Variants in DNAH10 observed in about 807,000 individuals in gnomAD.
The protein encoded by DNAH10 is dynein axonemal heavy chain 10.
A neutral mutation model predicts 506.6 loss-of-function variants in DNAH10; 348 were observed. That is an observed-to-expected ratio of 0.69 (90% CI 0.63 to 0.75). The LOEUF (loss-of-function observed/expected upper bound fraction) is 0.75. DNAH10 is among the 30% of genes least tolerant of loss of function. DNAH10 has a pLI of 0.00. For synonymous variants in DNAH10, 2,059 were observed against 2,198.6 expected, an observed-to-expected ratio of 0.94 and a Z score of 1.78; for missense variants, 5,179 against 5,787.1, an observed-to-expected ratio of 0.89 and a Z score of 3.41.
chr12:123,859,042 C>A, intron 37 of DNAH10, 108 bp from the exon 38 acceptor site: 1 of 1,041,914 alleles, frequency 9.6e-7, no homozygotes. Context: ...AAACCATTGA[C>A]TTGTACCCTT....
At position 123,914,456 on chromosome 12, in the gene DNAH10, CG is replaced by C. The variant is rs1566095381; in HGVS notation, c.10482del (p.Ile3495PhefsTer13). The C allele has an allele frequency of 6.2e-7, 1 of 1,613,792 alleles. No individual in the cohort carries two copies. The highest frequency in any genetic ancestry group is 1.1e-5 in the South Asian group (1 of 91,084). The stretch of plus-strand genomic sequence containing the variant: ...GGAGTTCCGTGACGAGATGGTCAAT[CG>C]GATTTGGCAAAATGACATCCTGGAG... ...TWEFRDEMVN[R>X]IWQNDILERE... On this transcript the variant is annotated frameshift_variant, in exon 61 of 79. Transcript: ENST00000673944. LOFTEE classifies it high-confidence loss of function.
At chr12:123,888,574 C>G (rs1336656831) in intron 52 of DNAH10, among the ~76,000 whole-genome samples, 1 of 152,164 alleles carries the variant, frequency 6.6e-6, no homozygotes, top group Non-Finnish European at 1.5e-5. Context: ...CCAGAGGAGG[C>G]AAAGAAGGAT....
chr12:123,771,472 G>T (rs563154123), intron 2 of DNAH10, 129 bp from the exon 3 acceptor site: 3 of 737,128 alleles, frequency 4.1e-6, no homozygotes, highest in African/African-American at 1.7e-5. Flanking sequence ...GGAACAGAAG[G>T]TATGCACAGC....
At chr12:123,899,171 C>T (rs914692066) in intron 56 of DNAH10, among the ~76,000 whole-genome samples, 5 of 152,108 alleles carry the variant, frequency 3.3e-5, no homozygotes, top group South Asian at 2.1e-4. Flanking sequence ...GCACCATCGA[C>T]GCGGGACTTT....
intron 39 of DNAH10, among the ~76,000 whole-genome samples, chr12:123,862,323 A>ATCC (rs546405184): frequency 8.3e-4 from 125 of 150,936 alleles, no homozygotes; most frequent in African/African-American, 2.4e-3. Flanking sequence ...GAATCTGGTC[A>ATCC]TCCTCCTCCT....
At position 123,800,448 on chromosome 12, in the gene DNAH10, C is replaced by T; in HGVS notation, c.2462+60C>T. 2.0e-6 allele frequency: 3 copies of T among 1,496,534 alleles called. 1 individual carries two copies. Among genetic ancestry groups the T allele is most frequent in the South Asian group, 1.2e-5 (1 of 80,086 alleles). The allele number at this position is 1,496,534 out of a possible 1,614,324, so 92.7% of individuals were successfully genotyped here. A position where few individuals can be genotyped will look rare whatever the true frequency, so the allele number is the denominator to read the frequency against. ...TTTTTGTTCTTGGGACCCCTTTACG[C>T]TCTTAAAAATTATTGAGGACCCCTC... On this transcript the variant is annotated intron_variant, in intron 15 of 78. Transcript: ENST00000673944.
intron 48 of DNAH10, among the ~76,000 whole-genome samples, chr12:123,878,385 A>G (rs1167073545): frequency 6.6e-6 from 1 of 152,192 alleles, no homozygotes; most frequent in Non-Finnish European, 1.5e-5. Context: ...ATTTGCAAGC[A>G]TAGTCCAATT....
At chr12:123,820,502 C>A in intron 23 of DNAH10, 78 bp from the exon 24 acceptor site, 2 of 1,375,792 alleles carry the variant, frequency 1.5e-6, no homozygotes, top group African/African-American at 1.4e-5. Context: ...AATTGAGATA[C>A]ATTATGCATG....
At chr12:123,918,454 C>T (rs1031679573) in intron 64 of DNAH10, among the ~76,000 whole-genome samples, 1 of 152,350 alleles carries the variant, frequency 6.6e-6, no homozygotes, top group Middle Eastern at 3.4e-3. Context: ...CGGAGACTTA[C>T]AAGCAGTGTT....
rs755700072 is a variant in DNAH10, at chr12:123,931,763, C to A, written c.13044C>A (p.Pro4348=). Residue 4348 remains proline (P), a synonymous_variant, in exon 75 of 79, where the codon CCC becomes CCA. Coordinates refer to ENST00000673944, the MANE Select transcript of DNAH10 (RefSeq NM_001372106.1). The stretch of plus-strand genomic sequence containing the variant: ...AGCGCCTCGGAACAGGACTCTCCCC[C>A]ACTTCGGTGGTGCTCCTGCAGGAAC... ...VRKRLGTGLS[P]TSVVLLQELE... 3.1e-6 allele frequency: 5 copies of A among 1,614,074 alleles called. No homozygotes were observed. Among genetic ancestry groups the A allele is most frequent in the Admixed American group, 1.7e-5 (1 of 60,032 alleles).
rs1299395153 is a variant in DNAH10 at position 123,924,277 on chromosome 12, G to T, written c.11612-1G>T. On this transcript the variant is annotated splice_acceptor_variant, in intron 66 of 78. Coordinates refer to ENST00000673944, the MANE Select transcript of DNAH10 (RefSeq NM_001372106.1). LOFTEE classifies it high-confidence loss of function. The stretch of plus-strand genomic sequence containing the variant: ...GCTTGCTTCTCTTCTGTTGTGATTA[G>T]GAAACATTTCCCTGGAGAAAAGCAA... The T allele has an allele frequency of 6.2e-7, 1 of 1,606,852 alleles. No homozygotes were observed. The highest frequency in any genetic ancestry group is 1.7e-5 in the Admixed American group (1 of 59,620).
Position 123,909,513 on chromosome 12 carries a change from T to TG in DNAH10, c.9997+73dup. 1 of 1,480,524 alleles carries TG rather than the reference T, an allele frequency of 6.8e-7. No homozygotes were observed. The highest frequency in any genetic ancestry group is 9.0e-7 in the Non-Finnish European group (1 of 1,109,942). 91.7% of individuals were successfully genotyped at this position (1,480,524 alleles called of 1,614,324 possible). A position where few individuals can be genotyped will look rare whatever the true frequency, so the allele number is the denominator to read the frequency against. ...GGCATCTCAGGCTCTGGGACAGGGATGGAGGGCAAGGAGGCTTGTCGTGGG... is the reference window on the plus strand; with the variant it reads ...GGCATCTCAGGCTCTGGGACAGGGATGGGAGGGCAAGGAGGCTTGTCGTGGG... On this transcript the variant is annotated intron_variant, in intron 58 of 78. Coordinates refer to ENST00000673944, the MANE Select transcript of DNAH10 (RefSeq NM_001372106.1). The surrounding 1 kb of genome is among the most constrained non-coding windows in gnomAD (Gnocchi z 5.4).
intron 24 of DNAH10, among the ~76,000 whole-genome samples, chr12:123,822,291 C>T (rs1366435127): frequency 1.3e-5 from 2 of 152,156 alleles, no homozygotes; most frequent in Non-Finnish European, 2.9e-5. Flanking sequence ...TCATGCTATT[C>T]ATTCATTTAT....
At position 123,918,892 on chromosome 12, in the gene DNAH10, C is replaced by T. The variant is rs77931549; in HGVS notation, c.11449C>T (p.Arg3817Cys). The T allele has an allele frequency of 9.1e-5, 147 of 1,613,854 alleles. No individual in the cohort carries two copies. Among genetic ancestry groups the T allele is most frequent in the Middle Eastern group, 3.3e-4 (2 of 6,062 alleles). Reference sequence around the variant, plus strand: ...GCTGCCTGATTCCATCCTCATGAAACGCCTGAGGAACATCATGGACACGCT... The same window carrying T: ...GCTGCCTGATTCCATCCTCATGAAATGCCTGAGGAACATCATGGACACGCT... ...KSLPDSILMK[R>C]LRNIMDTLTF... Residue 3817 changes from arginine (R) to cysteine (C), a missense_variant, in exon 65 of 79, where the codon CGC becomes TGC. Coordinates refer to ENST00000673944, the MANE Select transcript of DNAH10 (RefSeq NM_001372106.1).
intron 55 of DNAH10, 97 bp downstream of exon 55, chr12:123,898,064 A>T: frequency 8.5e-7 from 1 of 1,174,332 alleles, no homozygotes; most frequent in Non-Finnish European, 1.2e-6. Flanking sequence ...GGGCATCTTC[A>T]GTATTGAGGC....
intron 44 of DNAH10, 29 bp downstream of exon 44, chr12:123,870,514 G>C (rs1389988014): frequency 6.2e-7 from 1 of 1,606,536 alleles, no homozygotes; most frequent in African/African-American, 1.3e-5. Flanking sequence ...CTTGTTCCTG[G>C]GTTTAGGAGT....
At chr12:123,837,373 A>G (rs1594152706) in intron 28 of DNAH10, among the ~76,000 whole-genome samples, 1 of 151,598 alleles carries the variant, frequency 6.6e-6, no homozygotes, top group Non-Finnish European at 1.5e-5. Flanking sequence ...AAGAAGAATT[A>G]TACAACAAAT....
rs781453860 is a variant in DNAH10 at position 123,838,663 on chromosome 12, C to T, written c.5110C>T (p.Leu1704Phe). Residue 1704 changes from leucine to phenylalanine, a missense_variant, in exon 29 of 79, where the codon CTC becomes TTC. Leu to Phe is a conservative substitution (Grantham distance 22). Transcript: ENST00000673944. ...LLSILGSSDP[L>F]CVQEHMIKMY... is the part of the protein sequence containing the mutation. The stretch of plus-strand genomic sequence containing the variant: ...TAGCATTCTGGGGAGCAGCGACCCA[C>T]TCTGCGTCCAGGAGCACATGATCAA... The T allele has an allele frequency of 6.2e-7, 1 of 1,613,944 alleles. No individual in the cohort carries two copies. The highest frequency in any genetic ancestry group is 2.2e-5 in the East Asian group (1 of 44,886).
chr12:123,855,955 ATTTT>A (rs1260659957), intron 36 of DNAH10, among the ~76,000 whole-genome samples: 1 of 149,256 alleles, frequency 6.7e-6, no homozygotes, highest in Non-Finnish European at 1.5e-5. Context: ...ACTTTTATAT[ATTTT>A]ATTTTACATT....
Sources: gnomAD v4.1 joint callset for allele counts (sites outside exome capture counted in the v4.1 genomes callset) on GRCh38, gnomAD v4.1.1 for gene constraint, Gnocchi (gnomAD v3.1) non-coding constraint, MANE v1.5 for transcripts, NCBI Gene and HGNC (gene_info 2026-07-23, HGNC 2026-07-21) for gene names.